The following KLK7 variants were observed in gnomAD, a reference collection of about 807,000 sequenced individuals.
The protein encoded by KLK7 is kallikrein-7.
Under a neutral mutation model 21.0 loss-of-function variants are expected in KLK7, and 17 were observed. That is an observed-to-expected ratio of 0.81 (90% CI 0.55 to 1.21). The LOEUF (loss-of-function observed/expected upper bound fraction) is 1.21. Among genes scored for constraint, KLK7 ranks in the 50% most tolerant of loss-of-function variants. The pLI is 0.00. For synonymous variants in KLK7, 151 were observed against 134.6 expected (o/e 1.12, Z -0.85); for missense variants, 330 against 322.8 (o/e 1.02, Z -0.17).
At chr19:50,980,002 G>T in intron 4 of KLK7, 78 bp from the exon 5 acceptor site, 2 of 1,510,248 alleles carry the variant, frequency 1.3e-6, no homozygotes, top group Non-Finnish European at 1.8e-6. Flanking sequence ...TCAGGCTCCT[G>T]GTTCCGAGGG....
At chr19:50,981,305 A>AGGGGG (rs1568549253) in intron 3 of KLK7, among the ~76,000 whole-genome samples, 9 of 133,936 alleles carry the variant, frequency 6.7e-5, no homozygotes, top group Non-Finnish European at 1.4e-4. Flanking sequence ...CCGGAGAGAG[A>AGGGGG]AGGGGACAGA....
intron 1 of KLK7, among the ~76,000 whole-genome samples, chr19:50,982,810 C>A (rs1252128258): frequency 7.9e-6 from 1 of 127,306 alleles, no homozygotes; most frequent in Non-Finnish European, 1.7e-5. Flanking sequence ...GGAGTCCAGG[C>A]CCCCAGCTCC....
chr19:50,978,104 T>C (rs780230209), intron 5 of KLK7, among the ~76,000 whole-genome samples: 8 of 152,178 alleles, frequency 5.3e-5, no homozygotes, highest in Non-Finnish European at 1.0e-4. Flanking sequence ...CAGGACTTGG[T>C]GCAAAACGAA....
chr19:50,983,855 A>G lies in KLK7; in HGVS notation c.-63T>C, dbSNP rs1474649674. 7.8e-7 allele frequency: 1 copy of G among 1,289,144 alleles called. No individual in the cohort carries two copies. Among genetic ancestry groups the G allele is most frequent in the Non-Finnish European group, 1.0e-6 (1 of 988,724 alleles). 79.9% of individuals were successfully genotyped at this position (1,289,144 alleles called of 1,614,324 possible). On this transcript the variant is annotated 5_prime_UTR_variant, in exon 1 of 6. Coordinates refer to ENST00000595820, the MANE Select transcript of KLK7 (RefSeq NM_005046.4). Reference sequence around the variant, plus strand: ...CTTGATGAAGCCTCTTCTCACCTCGAGAGGATCTGATGTGATCCAAGTTCC... The same window carrying G: ...CTTGATGAAGCCTCTTCTCACCTCGGGAGGATCTGATGTGATCCAAGTTCC...
chr19:50,980,382 A>T lies in KLK7; in HGVS notation c.327T>A (p.His109Gln). 6.2e-7 allele frequency: 1 copy of T among 1,613,992 alleles called. No homozygotes were observed. Among genetic ancestry groups the T allele is most frequent in the East Asian group, 2.2e-5 (1 of 44,882 alleles). ...FRHPGYSTQTHVNDLMLVKLN... is the reference protein window; with the variant it reads ...FRHPGYSTQTQVNDLMLVKLN... Reference sequence around the variant, plus strand: ...GCTTCACGAGCATGAGGTCATTAACATGGGTCTGTGTGGAGTAGCCGGGGT... The same window carrying T: ...GCTTCACGAGCATGAGGTCATTAACTTGGGTCTGTGTGGAGTAGCCGGGGT... The change falls in exon 4 of 6, where the codon CAT (histidine) becomes CAA (glutamine). Residue 109 changes from histidine to glutamine, a missense_variant. Physicochemically the swap from His to Gln is conservative, Grantham distance 24. Coordinates refer to ENST00000595820, the MANE Select transcript of KLK7 (RefSeq NM_005046.4).
Position 50,979,899 on chromosome 19 carries a change from G to A in KLK7, c.495C>T (p.Cys165=), listed in dbSNP as rs771050893. The stretch of plus-strand genomic sequence containing the variant: ...GGGGGGAGATGAGCTTGACATCCAC[G>A]CACATGAGGTCAGAGGGAAAGGTCA... ...PDVTFPSDLM[C]VDVKLISPQD... The change falls in exon 5 of 6, where the codon TGC becomes TGT. Residue 165 remains cysteine, a synonymous_variant. Coordinates refer to ENST00000595820, the MANE Select transcript of KLK7 (RefSeq NM_005046.4). The A allele has an allele frequency of 3.1e-6, 5 of 1,594,844 alleles. No individual in the cohort carries two copies. The highest frequency in any genetic ancestry group is 2.3e-5 in the South Asian group (2 of 87,536).
At chr19:50,977,726 T>G (rs1654527) in intron 5 of KLK7, 35 bp from the exon 6 acceptor site, 104,645 of 1,602,984 alleles carry the variant, frequency 0.065, 5,300 homozygotes, top group African/African-American at 0.27. Flanking sequence ...AACTTTGGCT[T>G]CAGATCAAAG....
chr19:50,982,569 TCAGACCCAGGGG>T, intron 1 of KLK7, 112 bp from the exon 2 acceptor site: 3 of 155,930 alleles, frequency 1.9e-5, no homozygotes, highest in Non-Finnish European at 2.7e-5. Flanking sequence ...CCCTCCTCCC[TCAGACCCAGGGG>T]TCCAGGCCCC....
At chr19:50,982,984 G>A (rs1205199244) in intron 1 of KLK7, among the ~76,000 whole-genome samples, 2 of 24,250 alleles carry the variant, frequency 8.2e-5, no homozygotes, top group African/African-American at 1.3e-4. Flanking sequence ...TCAGACCTAG[G>A]AGTCCAGGTC....
chr19:50,979,986 T>A (rs1421082066), intron 4 of KLK7, 62 bp from the exon 5 acceptor site: 1 of 1,541,332 alleles, frequency 6.5e-7, no homozygotes, highest in East Asian at 2.4e-5. Context: ...CCAGAAGGGC[T>A]GTTGTTCAGG....
In KLK7 at chr19:50,979,802, T is replaced by G; in HGVS notation, c.592A>C (p.Lys198Gln). The G allele has an allele frequency of 6.4e-7, 1 of 1,572,376 alleles. No homozygotes were observed. The highest frequency in any genetic ancestry group is 8.6e-7 in the Non-Finnish European group (1 of 1,157,660). Residue 198 changes from lysine to glutamine, a missense_variant, in exon 5 of 6, where the codon AAA (lysine) becomes CAA (glutamine). Lys to Gln is a moderately conservative substitution (Grantham distance 53, BLOSUM62 1). Transcript: ENST00000595820. ...GAGGGTCTCACATTGCAGGCGTTTT[T>G]CTTGGAGTCGGGGATGCCAGCGCAC... ...MLCAGIPDSK[K>Q]NACNGDSGGP...
intron 5 of KLK7, 75 bp downstream of exon 5, chr19:50,979,713 C>T (rs1701924): frequency 0.62 from 906,502 of 1,468,230 alleles, 282,828 homozygotes; most frequent in Admixed American, 0.68. Context: ...CCCAGTCACT[C>T]GGGTCAAGCT....
At chr19:50,982,789 C>G (rs2091100406) in intron 1 of KLK7, among the ~76,000 whole-genome samples, 1 of 150,260 alleles carries the variant, frequency 6.7e-6, no homozygotes, top group Non-Finnish European at 1.5e-5. Flanking sequence ...GCCCCTCCTC[C>G]CTCAGACCTA....
At chr19:50,980,837 C>CAG (rs1215821314) in intron 3 of KLK7, among the ~76,000 whole-genome samples, 2 of 92,222 alleles carry the variant, frequency 2.2e-5, no homozygotes, top group Non-Finnish European at 5.1e-5. Context: ...GAGAGGGGAA[C>CAG]AGAGACCCAG....
Position 50,981,871 on chromosome 19 carries a change from G to A in KLK7, c.117C>T (p.Gly39=). ...KIIDGAPCAR[G]SHPWQVALLS... is the part of the protein sequence containing the mutation. Reference sequence around the variant, plus strand: ...GCAGGGCCACCTGCCATGGGTGGGAGCCTCTTGCACATGGGGCGCCATCAA... The same window carrying A: ...GCAGGGCCACCTGCCATGGGTGGGAACCTCTTGCACATGGGGCGCCATCAA... The change falls in exon 3 of 6, where the codon GGC becomes GGT. Residue 39 remains glycine, a synonymous_variant. Coordinates refer to ENST00000595820, the MANE Select transcript of KLK7 (RefSeq NM_005046.4). 1 of 1,612,486 alleles carries A rather than the reference G, an allele frequency of 6.2e-7. No individual in the cohort carries two copies. The highest frequency in any genetic ancestry group is 8.5e-7 in the Non-Finnish European group (1 of 1,179,558).
intron 4 of KLK7, 133 bp from the exon 5 acceptor site, chr19:50,980,057 GC>G (rs2091064900): frequency 7.8e-7 from 1 of 1,276,810 alleles, no homozygotes; most frequent in Non-Finnish European, 1.1e-6. Flanking sequence ...GGGAGGAGGG[GC>G]TGGGGTCTGG....
intron 2 of KLK7, 161 bp from the exon 3 acceptor site, chr19:50,982,075 C>T: frequency 1.1e-6 from 1 of 887,686 alleles, no homozygotes; most frequent in Non-Finnish European, 1.7e-6. Context: ...ACAGAAGGAG[C>T]CCACTCAGAA....
intron 1 of KLK7, among the ~76,000 whole-genome samples, chr19:50,982,696 G>A (rs960655433): frequency 1.4e-5 from 2 of 147,266 alleles, no homozygotes; most frequent in Non-Finnish European, 3.0e-5. Context: ...CAGAAGTCCA[G>A]ACCCCTAACC....
chr19:50,980,371 A>C lies in KLK7; in HGVS notation c.338T>G (p.Leu113Arg). Residue 113 changes from leucine to arginine, a missense_variant, in exon 4 of 6, where the codon CTC becomes CGC. Physicochemically the swap from Leu to Arg is moderately radical, Grantham distance 102 (BLOSUM62 -2). Transcript: ENST00000595820. ...CTGGCTATTGAGCTTCACGAGCATG[A>C]GGTCATTAACATGGGTCTGTGTGGA... ...GYSTQTHVNDLMLVKLNSQAR... is the reference protein window; with the variant it reads ...GYSTQTHVNDRMLVKLNSQAR... 1 of 1,614,034 alleles carries C rather than the reference A, an allele frequency of 6.2e-7. No homozygotes were observed. Among genetic ancestry groups the C allele is most frequent in the Non-Finnish European group, 8.5e-7 (1 of 1,179,966 alleles).
Sources: gnomAD v4.1 joint callset for allele counts (sites outside exome capture counted in the v4.1 genomes callset) on GRCh38, gnomAD v4.1.1 for gene constraint, MANE v1.5 for transcripts, NCBI Gene and HGNC (gene_info 2026-07-23, HGNC 2026-07-21) for gene names.